Variants in ICE1 observed in about 807,000 individuals in gnomAD.
The protein encoded by ICE1 is interactor of little elongation complex ELL subunit 1, also known as little elongation complex subunit 1.
A neutral mutation model predicts 192.7 loss-of-function variants in ICE1; 64 were observed. That is an observed-to-expected ratio of 0.33 (90% CI 0.27 to 0.41). The LOEUF is 0.41. Ranked by LOEUF, ICE1 falls within the 10% of genes least tolerant of loss-of-function variation. ICE1 has a pLI of 1.00. For missense variants in ICE1, 2,708 were observed against 2,696.0 expected, an observed-to-expected ratio of 1.00 and a Z score of -0.10; for synonymous variants, 1,010 against 984.5, an observed-to-expected ratio of 1.03 and a Z score of -0.49.
At position 5,473,665 on chromosome 5, in the gene ICE1, T is replaced by G; in HGVS notation, c.6330T>G (p.Ser2110Arg). 6 of 1,613,578 alleles carry G rather than the reference T, an allele frequency of 3.7e-6. No homozygotes were observed. The highest frequency in any genetic ancestry group is 5.1e-6 in the Non-Finnish European group (6 of 1,179,752). Reference sequence around the variant, plus strand: ...GTGAAAAATTTGGTGAAGACCTAAGTGATAACACTTGGGAATACATATTTG... The same window carrying G: ...GTGAAAAATTTGGTGAAGACCTAAGGGATAACACTTGGGAATACATATTTG... ...QPSEKFGEDL[S>R]DNTWEYIFAI... The change falls in exon 16 of 19, where the codon AGT (serine) becomes AGG (arginine). Residue 2110 changes from serine (S) to arginine (R), a missense_variant. Coordinates refer to ENST00000296564, the MANE Select transcript of ICE1 (RefSeq NM_015325.3).
At position 5,461,792 on chromosome 5, in the gene ICE1, C is replaced by G. The variant is rs746105149; in HGVS notation, c.2458C>G (p.Gln820Glu). ...EHEQKTSHQL[Q>E]KAMPFLQNRG... ...TGAACAGAAGACTAGCCATCAGTTA[C>G]AAAAGGCAATGCCATTCCTACAAAA... Residue 820 changes from glutamine to glutamate, a missense_variant, in exon 13 of 19, where the codon CAA (glutamine) becomes GAA (glutamate). By Grantham distance (29) the Gln-to-Glu change is conservative. Coordinates refer to ENST00000296564, the MANE Select transcript of ICE1 (RefSeq NM_015325.3). 1.9e-6 allele frequency: 3 copies of G among 1,613,932 alleles called. No homozygotes were observed. The highest frequency in any genetic ancestry group is 1.1e-5 in the South Asian group (1 of 91,076).
chr5:5,471,072 CAG>C (rs1214927808), intron 15 of ICE1, among the ~76,000 whole-genome samples: 2 of 152,140 alleles, frequency 1.3e-5, no homozygotes, highest in Admixed American at 6.6e-5. Flanking sequence ...GGAAAAGAAA[CAG>C]AAACACATAG....
intron 14 of ICE1, among the ~76,000 whole-genome samples, chr5:5,467,027 CAT>C (rs1275665163): frequency 1.3e-5 from 2 of 152,154 alleles, no homozygotes; most frequent in Non-Finnish European, 2.9e-5. Context: ...ATTTTTAAAT[CAT>C]ATGATATACA....
intron 4 of ICE1, 123 bp downstream of exon 4, chr5:5,440,036 A>G: frequency 1.9e-6 from 1 of 525,802 alleles, no homozygotes; most frequent in South Asian, 3.5e-5. Context: ...TACTCATAAT[A>G]TAGAATGCTG....
chr5:5,488,861 G>A (rs189181121), intron 18 of ICE1, among the ~76,000 whole-genome samples: 48 of 152,228 alleles, frequency 3.2e-4, no homozygotes, highest in African/African-American at 9.1e-4. Context: ...AGTCGTGGCC[G>A]TGGGTGACTG....
Position 5,443,604 on chromosome 5 carries a change from G to T in ICE1, c.386+360G>T, listed in dbSNP as rs145724231. On this transcript the variant is annotated intron_variant, in intron 6 of 18. Transcript: ENST00000296564. ...TAATGCATTATGTACTCATTCACTT[G>T]TGTCTGTGTGTCAGAACATAATGAC... 1.8e-4 allele frequency among the ~76,000 whole-genome samples: 27 copies of T among 152,256 alleles called. 1 individual carries two copies. The highest frequency in any genetic ancestry group is 6.5e-4 in the African/African-American group (27 of 41,548).
rs761434268 is a variant in ICE1, at chr5:5,463,077, C to G, written c.3743C>G (p.Thr1248Arg). The G allele has an allele frequency of 1.5e-5, 25 of 1,613,356 alleles. No individual in the cohort carries two copies. The highest frequency in any genetic ancestry group is 4.0e-5 in the African/African-American group (3 of 74,902). ...GAAGATGATTATTCGTTAAAAAATA[C>G]AAGTCAGCTCACTCAGTGTTCTTTG... Reference protein sequence around the residue: ...SEEDDYSLKNTSQLTQCSLET... With the variant: ...SEEDDYSLKNRSQLTQCSLET... Residue 1248 changes from threonine (T) to arginine (R), a missense_variant, in exon 13 of 19, where the codon ACA becomes AGA. Transcript: ENST00000296564.
At chr5:5,449,861 T>C (rs1738361490) in intron 10 of ICE1, among the ~76,000 whole-genome samples, 1 of 152,208 alleles carries the variant, frequency 6.6e-6, no homozygotes, top group Admixed American at 6.5e-5. Flanking sequence ...ATGGCCACTT[T>C]AAGGGCTAGC....
intron 17 of ICE1, among the ~76,000 whole-genome samples, chr5:5,485,271 G>A (rs1009529215): frequency 3.9e-5 from 6 of 152,050 alleles, no homozygotes; most frequent in African/African-American, 1.4e-4. Flanking sequence ...CATAAATGAC[G>A]TTTTTAATGA....
At position 5,464,049 on chromosome 5, in the gene ICE1, C is replaced by T. The variant is rs368588003; in HGVS notation, c.4715C>T (p.Ala1572Val). The stretch of plus-strand genomic sequence containing the variant: ...TCAAACAAACCAGTAAAAACTTCAG[C>T]GTCGAGCAGAGTTGAAACTCATCAG... ...DQSNKPVKTS[A>V]SSRVETHQSE... Residue 1572 changes from alanine (A) to valine (V), a missense_variant, in exon 13 of 19, where the codon GCG becomes GTG. Coordinates refer to ENST00000296564, the MANE Select transcript of ICE1 (RefSeq NM_015325.3). This position sits in a 1 kb window ranked among gnomAD's most constrained non-coding sequence, Gnocchi z 4.0. 5.4e-5 allele frequency: 87 copies of T among 1,613,460 alleles called. No individual in the cohort carries two copies. Among genetic ancestry groups the T allele is most frequent in the Middle Eastern group, 3.3e-4 (2 of 6,084 alleles).
intron 10 of ICE1, among the ~76,000 whole-genome samples, chr5:5,450,521 A>G (rs1162311299): frequency 6.6e-6 from 1 of 152,166 alleles, no homozygotes; most frequent in African/African-American, 2.4e-5. Flanking sequence ...AAGACATGAC[A>G]GAAGGGAACT....
At position 5,447,369 on chromosome 5, in the gene ICE1, C is replaced by T. The variant is rs1055278235; in HGVS notation, c.425-58C>T. 3 of 1,008,310 alleles carry T rather than the reference C, an allele frequency of 3.0e-6. No individual in the cohort carries two copies. In the Admixed American group the frequency reaches 8.3e-5, roughly 28 times the overall value. The allele number at this position is 1,008,310 out of a possible 1,614,324, so 62.5% of individuals were successfully genotyped here. A position where few individuals can be genotyped will look rare whatever the true frequency, so the allele number is the denominator to read the frequency against. On this transcript the variant is annotated intron_variant, in intron 7 of 18. Coordinates refer to ENST00000296564, the MANE Select transcript of ICE1 (RefSeq NM_015325.3). ...ATAAGATTTTGAGTATTTCATTAAC[C>T]ACAGTAGTAAAGTTAGTAAATTATT...
Position 5,457,563 on chromosome 5 carries a change from T to G in ICE1, c.923T>G (p.Val308Gly). 1 of 1,614,010 alleles carries G rather than the reference T, an allele frequency of 6.2e-7. No homozygotes were observed. The highest frequency in any genetic ancestry group is 2.2e-5 in the East Asian group (1 of 44,878). Residue 308 changes from valine (V) to glycine (G), a missense_variant, in exon 12 of 19, where the codon GTA becomes GGA. Physicochemically the swap from Val to Gly is moderately radical, Grantham distance 109 (BLOSUM62 -3). Coordinates refer to ENST00000296564, the MANE Select transcript of ICE1 (RefSeq NM_015325.3). ...FNENGNLEVL[V>G]QSHRDGGSTE... ...GAGAATGGAAATCTTGAGGTTTTAG[T>G]ACAAAGTCATCGTGACGGTGGTAGT...
chr5:5,444,656 T>C (rs372542019), intron 7 of ICE1, among the ~76,000 whole-genome samples: 62 of 152,358 alleles, frequency 4.1e-4, no homozygotes, highest in Non-Finnish European at 7.2e-4. Context: ...TTTCTTTTTT[T>C]CTTAATGAAA....
In ICE1 at chr5:5,452,543, C is replaced by T. The variant is rs1579555455; in HGVS notation, c.605-2009C>T. Among the ~76,000 whole-genome samples the T allele has an allele frequency of 2.0e-5, 3 of 152,036 alleles. No individual in the cohort carries two copies. In the East Asian group the frequency reaches 5.8e-4, roughly 29 times the overall value. On this transcript the variant is annotated intron_variant, in intron 10 of 18. Transcript: ENST00000296564. ...GTTAAGGAAGACCTGAGTACATAAA[C>T]ATGTTCCTGGATGAGAAGATTCAAA... is the stretch of plus-strand genomic sequence containing the variant.
chr5:5,454,715 T>G, intron 11 of ICE1, 77 bp downstream of exon 11: 1 of 943,604 alleles, frequency 1.1e-6, no homozygotes. Context: ...AGCCGTTACT[T>G]TTTAATAGCT....
In ICE1 at chr5:5,476,201, GT is replaced by G. The variant is rs1184943596; in HGVS notation, c.6520+123del. ...AATTTCTGATTTTACAACCATCAGA[GT>G]AGATACTTTTGTACTTAAGTCATTC... is the stretch of plus-strand genomic sequence containing the variant. On this transcript the variant is annotated intron_variant, in intron 17 of 18. Transcript: ENST00000296564. 67 of 553,360 alleles carry G rather than the reference GT, an allele frequency of 1.2e-4. No individual in the cohort carries two copies. The South Asian group carries it at 1.4e-3, about 11-fold the overall frequency. The allele number at this position is 553,360 out of a possible 1,614,324, so 34.3% of individuals were successfully genotyped here. A position where few individuals can be genotyped will look rare whatever the true frequency, so the allele number is the denominator to read the frequency against.
Position 5,476,046 on chromosome 5 carries a change from G to T in ICE1, c.6487G>T (p.Asp2163Tyr). The T allele has an allele frequency of 1.2e-6, 2 of 1,608,560 alleles. No individual in the cohort carries two copies. Among genetic ancestry groups the T allele is most frequent in the South Asian group, 1.1e-5 (1 of 90,512 alleles). The stretch of plus-strand genomic sequence containing the variant: ...ACATGCAAACATTGCGTATACTCCT[G>T]ATATTATTATAGCCTCAATACTGAG... Reference protein sequence around the residue: ...KGHANIAYTPDIIIASILRLI... With the variant: ...KGHANIAYTPYIIIASILRLI... The change falls in exon 17 of 19, where the codon GAT (aspartate) becomes TAT (tyrosine). Residue 2163 changes from aspartate (D) to tyrosine (Y), a missense_variant. Transcript: ENST00000296564.
intron 1 of ICE1, among the ~76,000 whole-genome samples, chr5:5,426,810 G>A (rs913477707): frequency 1.4e-4 from 22 of 152,342 alleles, no homozygotes; most frequent in African/African-American, 4.6e-4. Flanking sequence ...ATTTTCGCAT[G>A]TATTATAACT....
Sources: allele counts gnomAD v4.1 joint callset (sites outside exome capture counted in the v4.1 genomes callset), GRCh38; gene constraint gnomAD v4.1.1; non-coding constraint Gnocchi (gnomAD v3.1); transcripts MANE v1.5; gene names NCBI Gene and HGNC (gene_info 2026-07-23, HGNC 2026-07-21).